The following TCF7L1 variants were observed in gnomAD, a reference collection of about 807,000 sequenced individuals.
TCF7L1 encodes transcription factor 7 like 1.
Under a neutral mutation model 63.7 loss-of-function variants are expected in TCF7L1, and 18 were observed. The ratio of observed to expected loss-of-function variants is 0.28; its 90% CI spans 0.20 to 0.42. The LOEUF (loss-of-function observed/expected upper bound fraction) is 0.42. Ranked by LOEUF, TCF7L1 falls within the 10% of genes least tolerant of loss-of-function variation. TCF7L1 has a pLI of 1.00. For synonymous variants in TCF7L1, 355 were observed against 340.9 expected, an observed-to-expected ratio of 1.04 and a Z score of -0.46; for missense variants, 654 against 779.3, an observed-to-expected ratio of 0.84 and a Z score of 1.91.
chr2:85,150,586 C>CTT (rs71390054), intron 3 of TCF7L1, among the ~76,000 whole-genome samples: 38 of 140,442 alleles, frequency 2.7e-4, no homozygotes, highest in Non-Finnish European at 3.3e-4. Flanking sequence ...AGAACCTTGA[C>CTT]TTTTTTTTTT....
chr2:85,239,097 G>A (rs1239950158), intron 3 of TCF7L1, among the ~76,000 whole-genome samples: 2 of 152,016 alleles, frequency 1.3e-5, no homozygotes, highest in South Asian at 2.1e-4. Flanking sequence ...AAAATTTAAC[G>A]TAATTCCTTA....
chr2:85,215,722 A>G (rs971922305), intron 3 of TCF7L1, among the ~76,000 whole-genome samples: 3 of 118,046 alleles, frequency 2.5e-5, no homozygotes, highest in Non-Finnish European at 4.9e-5. Flanking sequence ...GAGGAGCTCA[A>G]TGGCTTACAA....
intron 3 of TCF7L1, among the ~76,000 whole-genome samples, chr2:85,157,999 C>T (rs1486151687): frequency 1.3e-5 from 2 of 152,172 alleles, no homozygotes; most frequent in South Asian, 4.1e-4. Flanking sequence ...AGCCTGGGAA[C>T]TCAGAATGCT....
intron 3 of TCF7L1, among the ~76,000 whole-genome samples, chr2:85,141,662 CA>C (rs1447558812): frequency 1.3e-5 from 2 of 152,142 alleles, no homozygotes; most frequent in Non-Finnish European, 2.9e-5. Context: ...AGCCATAGGG[CA>C]GGCTTGAAGA....
chr2:85,254,923 G>A (rs1680673889), intron 3 of TCF7L1, among the ~76,000 whole-genome samples: 2 of 152,226 alleles, frequency 1.3e-5, no homozygotes. Context: ...GATTGTCACT[G>A]TTGGATGTCT....
At chr2:85,154,188 T>C (rs1678087490) in intron 3 of TCF7L1, among the ~76,000 whole-genome samples, 1 of 152,214 alleles carries the variant, frequency 6.6e-6, no homozygotes, top group African/African-American at 2.4e-5. Context: ...GTAGAGGCCA[T>C]ATCGTTTTAT....
At chr2:85,159,106 T>G (rs1678222157) in intron 3 of TCF7L1, among the ~76,000 whole-genome samples, 1 of 152,112 alleles carries the variant, frequency 6.6e-6, no homozygotes, top group Admixed American at 6.5e-5. Context: ...CTTCGATCAA[T>G]AAATAGAAGC....
intron 3 of TCF7L1, among the ~76,000 whole-genome samples, chr2:85,176,996 A>G (rs1678690972): frequency 6.6e-6 from 1 of 151,750 alleles, no homozygotes; most frequent in East Asian, 1.9e-4. Flanking sequence ...CAAAAAAAAA[A>G]AAAAAAAAAA....
chr2:85,172,453 G>A (rs1338917876), intron 3 of TCF7L1, among the ~76,000 whole-genome samples: 4 of 152,180 alleles, frequency 2.6e-5, no homozygotes. Context: ...GTTTGAGACA[G>A]TCTCGCTCTG....
Position 85,307,675 on chromosome 2 carries a change from C to T in TCF7L1, c.1291C>T (p.Leu431=). 6.2e-7 allele frequency: 1 copy of T among 1,613,794 alleles called. No individual in the cohort carries two copies. The highest frequency in any genetic ancestry group is 8.5e-7 in the Non-Finnish European group (1 of 1,179,972). The change falls in exon 11 of 12, where the codon CTG becomes TTG. Residue 431 remains leucine, a synonymous_variant. Transcript: ENST00000282111. ...AAAGAAGAGGAAGAGAGAAAAGCAG[C>T]TGTCCCAGACACAGTCACAGCAGCA... ...KKKKRKREKQ[L]SQTQSQQQVQ...
intron 3 of TCF7L1, among the ~76,000 whole-genome samples, chr2:85,201,935 CTTT>C (rs1422695649): frequency 2.6e-5 from 3 of 116,490 alleles, no homozygotes; most frequent in Admixed American, 8.3e-5. Context: ...AGTCTTTTGA[CTTT>C]TTATTTATTT....
intron 3 of TCF7L1, among the ~76,000 whole-genome samples, chr2:85,184,047 G>A (rs182906644): frequency 5.3e-5 from 8 of 152,284 alleles, no homozygotes; most frequent in African/African-American, 1.9e-4. Flanking sequence ...AGGAAAGCTA[G>A]GCCTAAGTTC....
In TCF7L1 at chr2:85,273,743, G is replaced by A. The variant is rs146904130; in HGVS notation, c.442-9752G>A. On this transcript the variant is annotated intron_variant, in intron 3 of 11. Transcript: ENST00000282111. ...AAGCCTGGGAAACACCTCCATGTCTGTGAGCATGGGCCCCTTGAGTCGGTT... is the reference window on the plus strand; with the variant it reads ...AAGCCTGGGAAACACCTCCATGTCTATGAGCATGGGCCCCTTGAGTCGGTT... Among the ~76,000 whole-genome samples the A allele has an allele frequency of 5.4e-3, 826 of 152,336 alleles. 10 individuals carry two copies. Among genetic ancestry groups the A allele is most frequent in the African/African-American group, 0.019 (799 of 41,574 alleles).
At chr2:85,290,076 C>T (rs570708577) in intron 4 of TCF7L1, among the ~76,000 whole-genome samples, 15 of 150,878 alleles carry the variant, frequency 9.9e-5, no homozygotes, top group Non-Finnish European at 1.8e-4. Flanking sequence ...ACTCCGGGTT[C>T]AAGCAATTCT....
intron 3 of TCF7L1, among the ~76,000 whole-genome samples, chr2:85,240,938 GT>G (rs1680306613): frequency 6.6e-6 from 1 of 152,186 alleles, no homozygotes; most frequent in African/African-American, 2.4e-5. Flanking sequence ...AATAGTAAAA[GT>G]ATGTGATGCT....
Position 85,211,962 on chromosome 2 carries a change from C to T in TCF7L1, c.442-71533C>T, listed in dbSNP as rs563647131. On this transcript the variant is annotated intron_variant, in intron 3 of 11. Coordinates refer to ENST00000282111, the MANE Select transcript of TCF7L1 (RefSeq NM_031283.3). ...AAAATCAGTCGGATGTGGTGGCACG[C>T]GCCTGTAATCCCAGCTACTCGGGAT... Among the ~76,000 whole-genome samples, 15 of 151,888 alleles carry T rather than the reference C, an allele frequency of 9.9e-5. No individual in the cohort carries two copies. The South Asian group carries it at 1.3e-3, about 13-fold the overall frequency.
At chr2:85,235,060 G>A (rs563717929) in intron 3 of TCF7L1, among the ~76,000 whole-genome samples, 5 of 152,148 alleles carry the variant, frequency 3.3e-5, no homozygotes, top group Non-Finnish European at 7.4e-5. Context: ...GCTCAATTGT[G>A]TGTAAGTGGC....
At chr2:85,150,561 C>T (rs1677985309) in intron 3 of TCF7L1, among the ~76,000 whole-genome samples, 1 of 150,918 alleles carries the variant, frequency 6.6e-6, no homozygotes, top group African/African-American at 2.4e-5. Context: ...GATTACAGGC[C>T]ATTTATTTTG....
At chr2:85,175,223 A>G (rs997854028) in intron 3 of TCF7L1, among the ~76,000 whole-genome samples, 2 of 152,242 alleles carry the variant, frequency 1.3e-5, no homozygotes, top group Non-Finnish European at 2.9e-5. Context: ...CTCTTTGGAC[A>G]GGGGATCAGG....
Sources: gnomAD v4.1 joint callset for allele counts (sites outside exome capture counted in the v4.1 genomes callset) on GRCh38, gnomAD v4.1.1 for gene constraint, MANE v1.5 for transcripts, NCBI Gene and HGNC (gene_info 2026-07-23, HGNC 2026-07-21) for gene names.